PPP3CA: variants seen among roughly 807,000 people sequenced by gnomAD.
The protein encoded by PPP3CA is protein phosphatase 3 catalytic subunit alpha, also known as CAM-PRP catalytic subunit.
Under a neutral mutation model 66.5 loss-of-function variants are expected in PPP3CA, and 14 were observed. That is an observed-to-expected ratio of 0.21 (90% confidence interval 0.14 to 0.33). The LOEUF (loss-of-function observed/expected upper bound fraction) is 0.33. PPP3CA is among the 10% of genes least tolerant of loss of function. PPP3CA has a pLI of 1.00. For missense variants in PPP3CA, 317 were observed against 639.5 expected, an observed-to-expected ratio of 0.50 and a Z score of 5.44; for synonymous variants, 232 against 226.2, an observed-to-expected ratio of 1.03 and a Z score of -0.23.
At chr4:101,126,875 A>G (rs1722260830) in intron 2 of PPP3CA, among the ~76,000 whole-genome samples, 1 of 152,242 alleles carries the variant, frequency 6.6e-6, no homozygotes, top group Admixed American at 6.5e-5. Flanking sequence ...AAGGTTGTTA[A>G]TAGTACATTA....
At chr4:101,319,069 T>C (rs1466341173) in intron 1 of PPP3CA, among the ~76,000 whole-genome samples, 2 of 150,918 alleles carry the variant, frequency 1.3e-5, no homozygotes, top group Non-Finnish European at 2.9e-5. Flanking sequence ...AATGAGAACA[T>C]AATGAAGACA....
intron 6 of PPP3CA, among the ~76,000 whole-genome samples, chr4:101,084,411 C>G (rs968183232): frequency 6.6e-6 from 1 of 151,980 alleles, no homozygotes; most frequent in Non-Finnish European, 1.5e-5. Context: ...GAGGCAGAGG[C>G]GGGCAGATCA....
intron 5 of PPP3CA, among the ~76,000 whole-genome samples, chr4:101,095,595 A>T (rs1303640921): frequency 6.6e-6 from 1 of 152,208 alleles, no homozygotes; most frequent in African/African-American, 2.4e-5. Flanking sequence ...TGTGAAGTTT[A>T]TTTACTTAAA....
At chr4:101,343,090 G>A (rs530095678) in intron 1 of PPP3CA, among the ~76,000 whole-genome samples, 1 of 152,208 alleles carries the variant, frequency 6.6e-6, no homozygotes, top group South Asian at 2.1e-4. Flanking sequence ...TATAGTTTCT[G>A]AGAGATTCCA....
At chr4:101,168,465 T>A (rs954133403) in intron 2 of PPP3CA, among the ~76,000 whole-genome samples, 5 of 152,102 alleles carry the variant, frequency 3.3e-5, no homozygotes, top group Non-Finnish European at 7.4e-5. Context: ...AGACAATTTT[T>A]AGAACAAGAC....
chr4:101,176,738 T>C (rs1724072808), intron 2 of PPP3CA, among the ~76,000 whole-genome samples: 1 of 151,996 alleles, frequency 6.6e-6, no homozygotes, highest in African/African-American at 2.4e-5. Context: ...CAGAGAACTG[T>C]TTATTAAATT....
intron 1 of PPP3CA, among the ~76,000 whole-genome samples, chr4:101,344,964 C>A (rs1729933204): frequency 1.3e-5 from 2 of 152,220 alleles, no homozygotes; most frequent in East Asian, 1.9e-4. Context: ...GATATTTCTG[C>A]AAAGGGTCTC....
At chr4:101,319,969 A>C (rs565989053) in intron 1 of PPP3CA, among the ~76,000 whole-genome samples, 3 of 152,138 alleles carry the variant, frequency 2.0e-5, no homozygotes, top group African/African-American at 4.8e-5. Context: ...AATTTTGAAG[A>C]CTATATAAGA....
At position 101,114,651 on chromosome 4, in the gene PPP3CA, A is replaced by G. The variant is rs142531218; in HGVS notation, c.260-5573T>C. On this transcript the variant is annotated intron_variant, in intron 2 of 13. Transcript: ENST00000394854. Reference sequence around the variant, plus strand: ...ATATCTTCTGCCTAAATAATCAACTACTAATTAAGGCCTAAGCAAACAATT... The same window carrying G: ...ATATCTTCTGCCTAAATAATCAACTGCTAATTAAGGCCTAAGCAAACAATT... Among the ~76,000 whole-genome samples, 141 of 152,132 alleles carry G rather than the reference A, an allele frequency of 9.3e-4. 1 individual carries two copies. Among genetic ancestry groups the G allele is most frequent in the African/African-American group, 3.3e-3 (136 of 41,532 alleles).
chr4:101,331,703 T>C (rs1729392945), intron 1 of PPP3CA, among the ~76,000 whole-genome samples: 2 of 152,152 alleles, frequency 1.3e-5, no homozygotes, highest in African/African-American at 2.4e-5. Context: ...TCAACTTTTA[T>C]TATATGCCAA....
At chr4:101,047,822 C>T (rs1727834471) in intron 10 of PPP3CA, among the ~76,000 whole-genome samples, 1 of 151,600 alleles carries the variant, frequency 6.6e-6, no homozygotes, top group East Asian at 1.9e-4. Flanking sequence ...GTGATGGGTC[C>T]TAAGTGTTCA....
chr4:101,109,289 C>T (rs1721572245), intron 2 of PPP3CA, among the ~76,000 whole-genome samples: 1 of 136,228 alleles, frequency 7.3e-6, no homozygotes, highest in Admixed American at 7.8e-5. Context: ...TGTCTGAGTC[C>T]ACTAGTATAC....
intron 1 of PPP3CA, among the ~76,000 whole-genome samples, chr4:101,318,913 A>G (rs1371811026): frequency 6.6e-6 from 1 of 152,152 alleles, no homozygotes; most frequent in Non-Finnish European, 1.5e-5. Context: ...GTGCAATGAT[A>G]GCTTGGAGAT....
intron 2 of PPP3CA, among the ~76,000 whole-genome samples, chr4:101,125,658 T>C (rs1722222612): frequency 6.6e-6 from 1 of 152,202 alleles, no homozygotes; most frequent in African/African-American, 2.4e-5. Context: ...TAAAAACTCT[T>C]ATATATTTCT....
chr4:101,069,572 A>G (rs1466333813), intron 8 of PPP3CA, among the ~76,000 whole-genome samples: 2 of 152,190 alleles, frequency 1.3e-5, no homozygotes, highest in Admixed American at 1.3e-4. Context: ...AGGTAATCTT[A>G]TGACTATGTG....
chr4:101,149,968 A>T (rs991208466), intron 2 of PPP3CA, among the ~76,000 whole-genome samples: 3 of 152,172 alleles, frequency 2.0e-5, no homozygotes, highest in African/African-American at 7.2e-5. Flanking sequence ...GAGAGAGAGT[A>T]CAGTGGTCCC....
At chr4:101,200,211 C>CTCAG (rs1341427921) in intron 1 of PPP3CA, among the ~76,000 whole-genome samples, 43 of 152,238 alleles carry the variant, frequency 2.8e-4, no homozygotes, top group African/African-American at 1.0e-3. Flanking sequence ...GGGTCATTGC[C>CTCAG]ATGGTGACAC....
chr4:101,161,799 G>A (rs1031999236), intron 2 of PPP3CA, among the ~76,000 whole-genome samples: 11 of 152,118 alleles, frequency 7.2e-5, no homozygotes, highest in African/African-American at 2.2e-4. Context: ...AAAAGAACAG[G>A]GAAGGCCAGT....
intron 1 of PPP3CA, among the ~76,000 whole-genome samples, chr4:101,249,579 A>G (rs958892102): frequency 1.3e-5 from 2 of 152,168 alleles, no homozygotes; most frequent in African/African-American, 4.8e-5. Flanking sequence ...TTGTGAGGGT[A>G]AAATATTAAT....
Sources: gnomAD v4.1 joint callset for allele counts (sites outside exome capture counted in the v4.1 genomes callset) on GRCh38, gnomAD v4.1.1 for gene constraint, MANE v1.5 for transcripts, NCBI Gene and HGNC (gene_info 2026-07-23, HGNC 2026-07-21) for gene names.